The following CDC40 variants were observed in gnomAD, a reference collection of about 807,000 sequenced individuals.
The protein encoded by CDC40 is cell division cycle 40, also known as pre-mRNA-processing factor 17.
Under a neutral mutation model 80.6 loss-of-function variants are expected in CDC40, and 27 were observed. That is an observed-to-expected ratio of 0.33 (90% confidence interval 0.25 to 0.46). The LOEUF (loss-of-function observed/expected upper bound fraction) is 0.46. CDC40 is among the 20% of genes least tolerant of loss of function. The probability of loss-of-function intolerance (pLI) is 1.00; values close to 1 mark genes in which losing one functional copy is unlikely to be tolerated. For missense variants in CDC40, 486 were observed against 694.1 expected (o/e 0.70, Z 3.37); for synonymous variants, 221 against 232.6 (o/e 0.95, Z 0.45).
chr6:110,189,247 T>C (rs1041850780), intron 1 of CDC40, among the ~76,000 whole-genome samples: 2 of 152,222 alleles, frequency 1.3e-5, no homozygotes, highest in Non-Finnish European at 2.9e-5. Flanking sequence ...ATTCTTTTTT[T>C]TCATATTATT....
chr6:110,222,589 AAC>A (rs1777792433), intron 12 of CDC40, among the ~76,000 whole-genome samples: 1 of 150,298 alleles, frequency 6.7e-6, no homozygotes, highest in South Asian at 2.1e-4. Context: ...AACAACAAAA[AAC>A]AGTTTTCAGT....
rs915522787 is a variant in CDC40 at position 110,231,750 on chromosome 6, C to T, written c.*1619C>T. The T allele has an allele frequency of 4.6e-5, 7 of 150,654 alleles. No individual in the cohort carries two copies. Among genetic ancestry groups the T allele is most frequent in the Non-Finnish European group, 1.0e-4 (7 of 67,730 alleles). The allele number at this position is 150,654 out of a possible 1,614,324, so 9.3% of individuals were successfully genotyped here. ...CAGTGAGGTCATAGCAGTGTATGCT[C>T]CTTGCCCTTACGGAGTGTCTGTTTT... is the stretch of plus-strand genomic sequence containing the variant. On this transcript the variant is annotated 3_prime_UTR_variant, in exon 15 of 15. Transcript: ENST00000307731.
At chr6:110,229,838 T>C (rs1410288333) in intron 14 of CDC40, 116 bp from the exon 15 acceptor site, 30 of 642,768 alleles carry the variant, frequency 4.7e-5, no homozygotes, top group Non-Finnish European at 6.5e-5. Context: ...GTATTGTATA[T>C]TTGCATTGGA....
At chr6:110,224,933 A>G (rs1055840806) in intron 12 of CDC40, among the ~76,000 whole-genome samples, 2 of 152,258 alleles carry the variant, frequency 1.3e-5, no homozygotes, top group African/African-American at 4.8e-5. Context: ...CACTAACAAT[A>G]CGAGGAGGGA....
intron 2 of CDC40, among the ~76,000 whole-genome samples, chr6:110,197,375 A>G: frequency 6.6e-6 from 1 of 152,238 alleles, no homozygotes; most frequent in East Asian, 1.9e-4. Context: ...TATACATTGT[A>G]GAATGGCTAA....
chr6:110,198,142 AT>A (rs1777442283), intron 2 of CDC40, among the ~76,000 whole-genome samples: 1 of 149,474 alleles, frequency 6.7e-6, no homozygotes, highest in Non-Finnish European at 1.5e-5. Context: ...TTCTCTGGTG[AT>A]TAGTAATGTT....
intron 12 of CDC40, among the ~76,000 whole-genome samples, chr6:110,225,361 A>G (rs564400506): frequency 6.6e-6 from 1 of 152,312 alleles, no homozygotes; most frequent in Non-Finnish European, 1.5e-5. Context: ...AGAATATTAA[A>G]AATGAAAAGG....
chr6:110,226,077 T>G (rs1777855634), intron 12 of CDC40, 90 bp from the exon 13 acceptor site: 2 of 707,946 alleles, frequency 2.8e-6, no homozygotes, highest in Non-Finnish European at 5.0e-6. Flanking sequence ...GAGTTTGCTT[T>G]TATTTGCATA....
rs533055501 is a variant in CDC40, at chr6:110,192,070, T to G, written c.190-1112T>G. 8.5e-5 allele frequency among the ~76,000 whole-genome samples: 13 copies of G among 152,268 alleles called. No individual in the cohort carries two copies. In the South Asian group the frequency reaches 2.5e-3, roughly 29 times the overall value. On this transcript the variant is annotated intron_variant, in intron 1 of 14. Transcript: ENST00000307731. Reference sequence around the variant, plus strand: ...CTGAGAACCAGTGGTTGTCAGGCCTTTGTTAGGCTTTTACTCTGACTGGGG... The same window carrying G: ...CTGAGAACCAGTGGTTGTCAGGCCTGTGTTAGGCTTTTACTCTGACTGGGG...
intron 2 of CDC40, among the ~76,000 whole-genome samples, chr6:110,195,937 A>G (rs1773951671): frequency 6.6e-6 from 1 of 152,216 alleles, no homozygotes; most frequent in Non-Finnish European, 1.5e-5. Flanking sequence ...TAGCATAATC[A>G]AAGCTGAATT....
intron 2 of CDC40, among the ~76,000 whole-genome samples, chr6:110,197,589 T>G: frequency 6.7e-6 from 1 of 150,118 alleles, no homozygotes; most frequent in East Asian, 2.0e-4. Flanking sequence ...CTCCATCCCA[T>G]TCCATCCCCA....
At chr6:110,206,094 A>G (rs1777558299) in intron 3 of CDC40, among the ~76,000 whole-genome samples, 1 of 152,110 alleles carries the variant, frequency 6.6e-6, no homozygotes. Flanking sequence ...ATGCTTCATG[A>G]TGAATCTTTT....
intron 1 of CDC40, among the ~76,000 whole-genome samples, chr6:110,186,925 A>G (rs776572299): frequency 2.6e-5 from 4 of 152,194 alleles, no homozygotes; most frequent in Non-Finnish European, 5.9e-5. Flanking sequence ...CTGGAACGCC[A>G]ATTACACATA....
chr6:110,191,565 C>T (rs904560880), intron 1 of CDC40, among the ~76,000 whole-genome samples: 1 of 152,064 alleles, frequency 6.6e-6, no homozygotes, highest in African/African-American at 2.4e-5. Context: ...AAGGGGGAAG[C>T]AGAAAAACTG....
intron 6 of CDC40, chr6:110,211,297 C>T (rs1223847156): frequency 1.3e-5 from 2 of 152,136 alleles, no homozygotes; most frequent in Non-Finnish European, 2.9e-5. Flanking sequence ...AATGCATATT[C>T]ACCAAAACAA....
At chr6:110,203,799 G>T (rs1022599193) in intron 3 of CDC40, among the ~76,000 whole-genome samples, 1 of 152,042 alleles carries the variant, frequency 6.6e-6, no homozygotes, top group African/African-American at 2.4e-5. Context: ...GCCCCTCAGT[G>T]GTTGTGTGAA....
At chr6:110,227,420 C>T (rs1027889014) in intron 13 of CDC40, among the ~76,000 whole-genome samples, 1 of 152,142 alleles carries the variant, frequency 6.6e-6, no homozygotes, top group African/African-American at 2.4e-5. Flanking sequence ...AGAAGAGAAA[C>T]CTAACTGAAC....
intron 11 of CDC40, 33 bp from the exon 12 acceptor site, chr6:110,219,703 C>T: frequency 6.2e-7 from 1 of 1,608,394 alleles, no homozygotes; most frequent in Middle Eastern, 1.7e-4. Flanking sequence ...CACTCTACTT[C>T]TGTCTTTACC....
In CDC40 at chr6:110,183,049, A is replaced by AT. The variant is rs376390914; in HGVS notation, c.189+2420dup. ...CCGAATTTTCTTTCTTCCTCTGAAGATTTTGCCCACGCTAGTCTTTCTGCC... is the reference window on the plus strand; with the variant it reads ...CCGAATTTTCTTTCTTCCTCTGAAGATTTTTGCCCACGCTAGTCTTTCTGCC... On this transcript the variant is annotated intron_variant, in intron 1 of 14. Transcript: ENST00000307731. Among the ~76,000 whole-genome samples the AT allele has an allele frequency of 5.2e-3, 795 of 152,212 alleles. 5 individuals are homozygous for AT. Among genetic ancestry groups the AT allele is most frequent in the Non-Finnish European group, 9.6e-3 (654 of 67,996 alleles).
Sources: allele counts gnomAD v4.1 joint callset (sites outside exome capture counted in the v4.1 genomes callset), GRCh38; gene constraint gnomAD v4.1.1; transcripts MANE v1.5; gene names NCBI Gene and HGNC (gene_info 2026-07-23, HGNC 2026-07-21).